INTS15: variants seen among roughly 807,000 people sequenced by gnomAD.
INTS15 encodes uncharacterized protein C7orf26.
the INTS15 span, among the ~76,000 whole-genome samples, chr7:6,597,661 A>T: frequency 2.0e-5 from 3 of 152,240 alleles, no homozygotes; most frequent in African/African-American, 2.4e-5. Flanking sequence ...TGGGGAAGGG[A>T]TGAGTTAGCA....
At chr7:6,600,377 G>A in the INTS15 span, 1 of 1,598,414 alleles carries the variant, frequency 6.3e-7, no homozygotes, top group South Asian at 1.1e-5. Flanking sequence ...CCCTGGCCCA[G>A]GCCTCCTGGT....
chr7:6,595,572 A>G, the INTS15 span, among the ~76,000 whole-genome samples: 2,743 of 152,244 alleles, frequency 0.018, 64 homozygotes, highest in African/African-American at 0.058. Flanking sequence ...CTGAGGTGCA[A>G]TGGTCCAAGT....
At chr7:6,594,418 G>A in the INTS15 span, 93 of 1,613,868 alleles carry the variant, frequency 5.8e-5, no homozygotes, top group East Asian at 2.0e-3. Flanking sequence ...TAAGTGGACT[G>A]TGTGGCTTCT....
the INTS15 span, among the ~76,000 whole-genome samples, chr7:6,603,108 G>A: frequency 6.6e-6 from 1 of 151,620 alleles, no homozygotes; most frequent in East Asian, 1.9e-4. Context: ...AAATTAGCCG[G>A]GCGTGGTGGT....
chr7:6,594,784 TATCTC>T, the INTS15 span, among the ~76,000 whole-genome samples: 1 of 151,982 alleles, frequency 6.6e-6, no homozygotes, highest in South Asian at 2.1e-4. Flanking sequence ...GCAGTGGTGT[TATCTC>T]AGCTCACTGT....
At chr7:6,591,377 C>T in the INTS15 span, among the ~76,000 whole-genome samples, 6 of 151,436 alleles carry the variant, frequency 4.0e-5, no homozygotes, top group Non-Finnish European at 8.8e-5. Context: ...AGCGAGATTC[C>T]TGCCTAAGCC....
At chr7:6,592,877 C>T in the INTS15 span, among the ~76,000 whole-genome samples, 82 of 151,718 alleles carry the variant, frequency 5.4e-4, no homozygotes, top group African/African-American at 1.7e-3. Context: ...CCCAAAGTGC[C>T]GGGATTATAA....
At chr7:6,595,629 C>T in the INTS15 span, among the ~76,000 whole-genome samples, 628 of 152,308 alleles carry the variant, frequency 4.1e-3, 6 homozygotes, top group African/African-American at 0.015. Flanking sequence ...AGATGTGACC[C>T]ACTCCCTGGA....
At chr7:6,600,966 CTCTT>C in the INTS15 span, among the ~76,000 whole-genome samples, 1 of 151,378 alleles carries the variant, frequency 6.6e-6, no homozygotes, top group African/African-American at 2.4e-5. Flanking sequence ...ATTTTTATTT[CTCTT>C]TATTTATTTT....
At chr7:6,598,167 G>A in the INTS15 span, among the ~76,000 whole-genome samples, 1 of 152,100 alleles carries the variant, frequency 6.6e-6, no homozygotes, top group Non-Finnish European at 1.5e-5. Flanking sequence ...CATCTCTGTG[G>A]AATCAAGAGG....
At chr7:6,599,966 C>T in the INTS15 span, 2 of 1,614,046 alleles carry the variant, frequency 1.2e-6, no homozygotes, top group African/African-American at 2.7e-5. Context: ...GCTCACCCCG[C>T]TCGTTGGATT....
At chr7:6,600,387 T>G in the INTS15 span, 7 of 1,587,390 alleles carry the variant, frequency 4.4e-6, no homozygotes, top group Non-Finnish European at 6.0e-6. Context: ...GGCCTCCTGG[T>G]GCGGGGACAC....
At chr7:6,591,046 C>T in the INTS15 span, among the ~76,000 whole-genome samples, 1 of 151,674 alleles carries the variant, frequency 6.6e-6, no homozygotes. Flanking sequence ...CCTGTGTTAC[C>T]CAGGCTGGTC....
chr7:6,596,086 C>G, the INTS15 span, among the ~76,000 whole-genome samples: 5 of 151,156 alleles, frequency 3.3e-5, no homozygotes, highest in Non-Finnish European at 5.9e-5. Flanking sequence ...GAGTCTCCCT[C>G]TGTCGCCCAG....
chr7:6,593,376 G>A, the INTS15 span, among the ~76,000 whole-genome samples: 1 of 141,226 alleles, frequency 7.1e-6, no homozygotes, highest in Non-Finnish European at 1.5e-5. Flanking sequence ...TGTCGCCCAA[G>A]CTGGAGTGCA....
chr7:6,608,102 A>G, the INTS15 span: 7 of 981,280 alleles, frequency 7.1e-6, no homozygotes, highest in Admixed American at 2.2e-4. Context: ...CGCCCTGCCC[A>G]CGCATCCCGG....
the INTS15 span, among the ~76,000 whole-genome samples, chr7:6,600,968 C>A: frequency 6.6e-6 from 1 of 151,444 alleles, no homozygotes; most frequent in East Asian, 2.0e-4. Context: ...TTTTATTTCT[C>A]TTTATTTATT....
chr7:6,600,068 G>A, the INTS15 span: 4 of 1,614,212 alleles, frequency 2.5e-6, no homozygotes, highest in Non-Finnish European at 2.5e-6. Context: ...GGTCACAAAG[G>A]ACCCGGGCGT....
the INTS15 span, chr7:6,608,644 C>A: frequency 2.1e-6 from 1 of 480,336 alleles, no homozygotes; most frequent in Non-Finnish European, 2.7e-6. Context: ...GAATTCCCCT[C>A]ACCTCGGAAA....
Sources: allele counts gnomAD v4.1 joint callset (sites outside exome capture counted in the v4.1 genomes callset), GRCh38; gene constraint gnomAD v4.1.1; transcripts MANE v1.5; gene names NCBI Gene and HGNC (gene_info 2026-07-23, HGNC 2026-07-21).